Variants in CNTNAP3 observed in about 807,000 individuals in gnomAD.
CNTNAP3 encodes contactin associated protein family member 3, also known as contactin-associated protein-like 3.
In CNTNAP3, 36 loss-of-function variants were observed where a neutral mutation model predicts 92.1. That is an observed-to-expected ratio of 0.39 (90% confidence interval 0.30 to 0.52). The LOEUF (loss-of-function observed/expected upper bound fraction) is 0.52, where lower values mean the gene tolerates loss of function less well. CNTNAP3 is among the 20% of genes least tolerant of loss of function. The pLI, the probability that CNTNAP3 is intolerant of heterozygous loss-of-function variation, is 0.76. For missense variants in CNTNAP3, 534 were observed against 1,069.6 expected, an observed-to-expected ratio of 0.50 and a Z score of 6.98; for synonymous variants, 232 against 422.3, an observed-to-expected ratio of 0.55 and a Z score of 5.53.
chr9:39,101,065 T>G (rs1227637552), intron 17 of CNTNAP3, among the ~76,000 whole-genome samples: 1 of 148,668 alleles, frequency 6.7e-6, no homozygotes, highest in Non-Finnish European at 1.5e-5. Context: ...TTCTAGGCAT[T>G]CCCTTAAATA....
chr9:39,092,429 T>C (rs569722454), intron 18 of CNTNAP3, among the ~76,000 whole-genome samples: 5 of 135,738 alleles, frequency 3.7e-5, no homozygotes, highest in Admixed American at 7.1e-5. Flanking sequence ...TGTTACTATA[T>C]GTTTTAGTAA....
Position 39,067,444 on chromosome 9 carries a change from C to A in CNTNAP3, c.*6446G>T, listed in dbSNP as rs1239850725. Among the ~76,000 whole-genome samples, 2 of 152,308 alleles carry A rather than the reference C, an allele frequency of 1.3e-5. No homozygotes were observed. The highest frequency in any genetic ancestry group is 4.8e-5 in the African/African-American group (2 of 41,484). ...ATGGAGTCTGGCTCTGTTGCCCAGGCTGGAGTGCAATGGCGCAATCTCGGC... is the reference window on the plus strand; with the variant it reads ...ATGGAGTCTGGCTCTGTTGCCCAGGATGGAGTGCAATGGCGCAATCTCGGC... On this transcript the variant is annotated 3_prime_UTR_variant, in exon 24 of 24. Coordinates refer to ENST00000297668, the MANE Select transcript of CNTNAP3 (RefSeq NM_033655.5).
At chr9:39,099,584 C>G (rs2990121) in intron 18 of CNTNAP3, among the ~76,000 whole-genome samples, 1 of 152,066 alleles carries the variant, frequency 6.6e-6, no homozygotes, top group African/African-American at 2.4e-5. Flanking sequence ...ACAAAAATAA[C>G]AATGATGGTT....
chr9:39,143,423 A>C (rs1056829756), intron 11 of CNTNAP3, among the ~76,000 whole-genome samples: 7 of 152,096 alleles, frequency 4.6e-5, no homozygotes, highest in African/African-American at 1.7e-4. Context: ...ATGGACCACC[A>C]ATCAGGCATC....
intron 12 of CNTNAP3, chr9:39,139,641 G>C (rs1198761190): frequency 2.6e-5 from 4 of 152,122 alleles, no homozygotes; most frequent in Non-Finnish European, 5.9e-5. Context: ...CCACTTTGCA[G>C]AGAGTTGGAA....
intron 19 of CNTNAP3, 73 bp downstream of exon 19, chr9:39,088,350 A>T: frequency 1.7e-6 from 2 of 1,175,168 alleles, no homozygotes; most frequent in Non-Finnish European, 2.4e-6. Flanking sequence ...TTGACTGCTG[A>T]AAAGACCCAT....
At chr9:39,148,166 T>C (rs527319074) in intron 10 of CNTNAP3, among the ~76,000 whole-genome samples, 3 of 152,026 alleles carry the variant, frequency 2.0e-5, no homozygotes, top group African/African-American at 4.8e-5. Flanking sequence ...TGTTGAGATA[T>C]AAATGCAGTC....
chr9:39,138,800 C>T (rs1821503565), intron 12 of CNTNAP3, among the ~76,000 whole-genome samples: 1 of 152,142 alleles, frequency 6.6e-6, no homozygotes, highest in Non-Finnish European at 1.5e-5. Context: ...AAGGTTAGTG[C>T]TTGTGGAAGA....
chr9:39,140,627 G>T lies in CNTNAP3; in HGVS notation c.1768C>A (p.Gln590Lys). Residue 590 changes from glutamine to lysine, a missense_variant, in exon 12 of 24, where the codon CAG (glutamine) becomes AAG (lysine). Gln to Lys is a moderately conservative substitution (Grantham distance 53, BLOSUM62 1). Transcript: ENST00000297668. ...GETCHSSLYEQSCEAHKHRGN... is the reference protein window; with the variant it reads ...GETCHSSLYEKSCEAHKHRGN... ...CGGTGCTTGTGGGCTTCACAAGACT[G>T]CTCGTAGAGAGCTGTAGGAGAACAC... 1.2e-6 allele frequency: 2 copies of T among 1,607,900 alleles called. No individual in the cohort carries two copies. The highest frequency in any genetic ancestry group is 2.2e-5 in the East Asian group (1 of 44,838).
intron 8 of CNTNAP3, among the ~76,000 whole-genome samples, chr9:39,170,417 C>T (rs1446245242): frequency 1.6e-5 from 2 of 122,580 alleles, no homozygotes; most frequent in Non-Finnish European, 3.1e-5. Flanking sequence ...TTTCAGATTA[C>T]GCTTTTTTTT....
At chr9:39,080,174 C>T (rs1486004580) in intron 21 of CNTNAP3, among the ~76,000 whole-genome samples, 1 of 140,982 alleles carries the variant, frequency 7.1e-6, no homozygotes, top group East Asian at 2.1e-4. Flanking sequence ...GCTCTCTGCT[C>T]AACCAGCCTG....
chr9:39,093,610 G>T (rs1444989141), intron 18 of CNTNAP3, among the ~76,000 whole-genome samples: 1 of 151,276 alleles, frequency 6.6e-6, no homozygotes, highest in Non-Finnish European at 1.5e-5. Flanking sequence ...TAAACATGGA[G>T]TTATATAATA....
intron 14 of CNTNAP3, among the ~76,000 whole-genome samples, chr9:39,111,115 T>C (rs1826738419): frequency 6.6e-6 from 1 of 152,206 alleles, no homozygotes; most frequent in Admixed American, 6.5e-5. Context: ...TAGAATACAA[T>C]GCATAATGAT....
At chr9:39,086,213 A>G in intron 20 of CNTNAP3, 1 of 266,442 alleles carries the variant, frequency 3.8e-6, no homozygotes, top group Non-Finnish European at 7.1e-6. Context: ...TTTTCCTTCC[A>G]ATGCCGATGA....
At chr9:39,081,626 A>C (rs900646176) in intron 21 of CNTNAP3, among the ~76,000 whole-genome samples, 1 of 151,474 alleles carries the variant, frequency 6.6e-6, no homozygotes, top group Non-Finnish European at 1.5e-5. Context: ...TATTTGAGAT[A>C]GGGTTGTCTT....
intron 15 of CNTNAP3, chr9:39,106,437 AC>A (rs912585192): frequency 1.3e-5 from 2 of 152,146 alleles, no homozygotes; most frequent in African/African-American, 4.8e-5. Context: ...ACTACAGGCC[AC>A]CATGCCCAGC....
intron 21 of CNTNAP3, 113 bp from the exon 22 acceptor site, chr9:39,079,033 C>T: frequency 1.4e-6 from 2 of 1,475,860 alleles, no homozygotes; most frequent in Admixed American, 2.0e-5. Context: ...GGAGAGGTCC[C>T]TCCGAACCCC....
chr9:39,116,643 A>G (rs1254918918), intron 14 of CNTNAP3, among the ~76,000 whole-genome samples: 1 of 152,180 alleles, frequency 6.6e-6, no homozygotes, highest in Non-Finnish European at 1.5e-5. Flanking sequence ...TAAGTAAGAG[A>G]AAGTTGTATT....
chr9:39,099,512 T>TGAG (rs1220490037), intron 18 of CNTNAP3, among the ~76,000 whole-genome samples: 3 of 152,140 alleles, frequency 2.0e-5, no homozygotes, highest in East Asian at 1.9e-4. Context: ...GCCTAGGAGT[T>TGAG]CAAGTCCAGC....
Sources: allele counts gnomAD v4.1 joint callset (sites outside exome capture counted in the v4.1 genomes callset), GRCh38; gene constraint gnomAD v4.1.1; transcripts MANE v1.5; gene names NCBI Gene and HGNC (gene_info 2026-07-23, HGNC 2026-07-21).